Variants in MYO5C observed in about 807,000 individuals in gnomAD.
The protein encoded by MYO5C is myosin VC.
A neutral mutation model predicts 235.7 loss-of-function variants in MYO5C; 194 were observed. The ratio of observed to expected loss-of-function variants is 0.82; its 90% CI spans 0.73 to 0.93. The LOEUF is 0.93. Among genes scored for constraint, MYO5C ranks in the 40% least tolerant of loss-of-function variants. The pLI, the probability that MYO5C is intolerant of heterozygous loss-of-function variation, is 0.00. For synonymous variants in MYO5C, 707 were observed against 754.8 expected (o/e 0.94, Z 1.04); for missense variants, 2,038 against 2,127.2 (o/e 0.96, Z 0.82).
At chr15:52,201,558 CAAAATGAGACTTGGAAA>C (rs1036273482) in intron 38 of MYO5C, among the ~76,000 whole-genome samples, 2 of 152,092 alleles carry the variant, frequency 1.3e-5, no homozygotes, top group Non-Finnish European at 2.9e-5. Context: ...AAAATTATAT[CAAAATGAGACTTGGAAA>C]AAAATGAGAC....
intron 23 of MYO5C, among the ~76,000 whole-genome samples, chr15:52,234,666 G>A (rs761115959): frequency 6.6e-6 from 1 of 152,154 alleles, no homozygotes; most frequent in Admixed American, 6.5e-5. Context: ...GAGACAGGGT[G>A]GAGGGCACGC....
chr15:52,230,486 G>A lies in MYO5C; in HGVS notation c.3027-1173C>T, dbSNP rs1472215118. Among the ~76,000 whole-genome samples the A allele has an allele frequency of 2.6e-5, 4 of 151,322 alleles. No homozygotes were observed. In the East Asian group the frequency reaches 7.8e-4, roughly 29 times the overall value. ...TTCAGTGGCATGATCTCAGCTCACT[G>A]CAACCTCCGCCCCCCGGGTTCAAGT... On this transcript the variant is annotated intron_variant, in intron 24 of 40. Transcript: ENST00000261839.
chr15:52,271,632 C>T (rs570575975), intron 7 of MYO5C, 131 bp downstream of exon 7: 1 of 519,466 alleles, frequency 1.9e-6, no homozygotes, highest in South Asian at 4.3e-5. Flanking sequence ...CCAATTCTGT[C>T]CCTGAAACCA....
chr15:52,226,128 G>A lies in MYO5C; in HGVS notation c.3208-596C>T, dbSNP rs139295024. 6.2e-3 allele frequency among the ~76,000 whole-genome samples: 938 copies of A among 152,144 alleles called. 13 individuals carry two copies. Among genetic ancestry groups the A allele is most frequent in the African/African-American group, 0.022 (903 of 41,492 alleles). ...TATAAGCTTGGGGTGGGGTGGGACA[G>A]GGGGAAGACTGAGAAAGGTAAAATC... is the stretch of plus-strand genomic sequence containing the variant. On this transcript the variant is annotated intron_variant, in intron 25 of 40. Transcript: ENST00000261839.
At position 52,223,540 on chromosome 15, in the gene MYO5C, A is replaced by T; in HGVS notation, c.3627+4T>A. The T allele has an allele frequency of 6.2e-7, 1 of 1,613,136 alleles. No homozygotes were observed. Among genetic ancestry groups the T allele is most frequent in the Non-Finnish European group, 8.5e-7 (1 of 1,179,494 alleles). ...ACGACTGGGGCCCCTGGCTGAGACCATACCATGTTCTCTGATGTTAGCCTG... is the reference window on the plus strand; with the variant it reads ...ACGACTGGGGCCCCTGGCTGAGACCTTACCATGTTCTCTGATGTTAGCCTG... On this transcript the variant is annotated splice_donor_region_variant and intron_variant, in intron 29 of 40. Coordinates refer to ENST00000261839, the MANE Select transcript of MYO5C (RefSeq NM_018728.4).
At chr15:52,243,915 T>G (rs1336962741) in intron 19 of MYO5C, among the ~76,000 whole-genome samples, 1 of 152,196 alleles carries the variant, frequency 6.6e-6, no homozygotes, top group Non-Finnish European at 1.5e-5. Context: ...TGCCAGGCCT[T>G]GCAGGGACCC....
chr15:52,222,122 T>C (rs1209156332), intron 29 of MYO5C, among the ~76,000 whole-genome samples: 1 of 152,216 alleles, frequency 6.6e-6, no homozygotes, highest in East Asian at 1.9e-4. Flanking sequence ...TGGGCTAAGC[T>C]ACGATGCTTG....
chr15:52,221,993 A>T (rs577591145), intron 29 of MYO5C, among the ~76,000 whole-genome samples: 1 of 152,350 alleles, frequency 6.6e-6, no homozygotes, highest in African/African-American at 2.4e-5. Context: ...CACTTTCAGT[A>T]TAGTATTTGA....
chr15:52,214,694 C>T lies in MYO5C; in HGVS notation c.3955-4G>A, dbSNP rs1389395220. 7.0e-6 allele frequency: 11 copies of T among 1,580,550 alleles called. No homozygotes were observed. The highest frequency in any genetic ancestry group is 9.4e-6 in the Non-Finnish European group (11 of 1,165,504). The stretch of plus-strand genomic sequence containing the variant: ...TGTCTAATTCTTCTTCAAGATCCTA[C>T]AGCAATAAAAAGAAACCAGGATTTA... On this transcript the variant is annotated splice_polypyrimidine_tract_variant and splice_region_variant and intron_variant, in intron 32 of 40. Coordinates refer to ENST00000261839, the MANE Select transcript of MYO5C (RefSeq NM_018728.4).
intron 1 of MYO5C, among the ~76,000 whole-genome samples, chr15:52,293,108 A>T (rs4238390): frequency 0.55 from 83,588 of 152,148 alleles, 27,628 homozygotes; most frequent in Non-Finnish European, 0.73. Flanking sequence ...TTTCTAAGGC[A>T]TGGCACCTGT....
chr15:52,284,686 T>G (rs2037225182), intron 1 of MYO5C, among the ~76,000 whole-genome samples: 1 of 152,130 alleles, frequency 6.6e-6, no homozygotes, highest in South Asian at 2.1e-4. Flanking sequence ...TATGGCTTAC[T>G]CAAAGATGCT....
At chr15:52,280,058 G>C (rs146945633) in intron 2 of MYO5C, among the ~76,000 whole-genome samples, 1 of 152,254 alleles carries the variant, frequency 6.6e-6, no homozygotes, top group Non-Finnish European at 1.5e-5. Context: ...CCTATATGTG[G>C]TTTAAATGTT....
At position 52,224,881 on chromosome 15, in the gene MYO5C, C is replaced by A. The variant is rs368024533; in HGVS notation, c.3446+20G>T. 4 of 1,596,736 alleles carry A rather than the reference C, an allele frequency of 2.5e-6. No homozygotes were observed. In the African/African-American group the frequency reaches 5.4e-5, roughly 22 times the overall value. On this transcript the variant is annotated intron_variant, in intron 28 of 40. Coordinates refer to ENST00000261839, the MANE Select transcript of MYO5C (RefSeq NM_018728.4). Reference sequence around the variant, plus strand: ...ATTATCTCTGAAAAATAAAGAAGATCCCTGAGGAGAATTTCTAACCGTGTT... The same window carrying A: ...ATTATCTCTGAAAAATAAAGAAGATACCTGAGGAGAATTTCTAACCGTGTT...
intron 1 of MYO5C, among the ~76,000 whole-genome samples, chr15:52,291,904 A>C (rs1006650799): frequency 2.0e-5 from 3 of 151,058 alleles, no homozygotes; most frequent in African/African-American, 7.3e-5. Context: ...ACGCCTGGCT[A>C]ATTTTTTTGT....
intron 1 of MYO5C, among the ~76,000 whole-genome samples, chr15:52,286,288 G>T (rs1213643039): frequency 1.3e-4 from 20 of 150,508 alleles, no homozygotes; most frequent in African/African-American, 4.4e-4. Flanking sequence ...CCCCCCGCCC[G>T]GCCAGCCGCC....
chr15:52,213,363 C>A, intron 33 of MYO5C, 77 bp from the exon 34 acceptor site: 1 of 1,031,742 alleles, frequency 9.7e-7, no homozygotes, highest in Non-Finnish European at 1.5e-6. Context: ...TACTCTCCTA[C>A]CCCATTCTGG....
chr15:52,289,631 T>G (rs1256041058), intron 1 of MYO5C, among the ~76,000 whole-genome samples: 1 of 146,986 alleles, frequency 6.8e-6, no homozygotes, highest in Non-Finnish European at 1.5e-5. Flanking sequence ...CAATCCTCTC[T>G]TGACTGGTGC....
chr15:52,257,839 G>A (rs1010282157), intron 10 of MYO5C, among the ~76,000 whole-genome samples: 1 of 152,214 alleles, frequency 6.6e-6, no homozygotes, highest in African/African-American at 2.4e-5. Context: ...TCCTATCACA[G>A]GTCCCCTGGG....
chr15:52,233,297 A>AAT (rs1364145771), intron 23 of MYO5C, among the ~76,000 whole-genome samples: 286 of 12,086 alleles, frequency 0.024, 77 homozygotes, highest in African/African-American at 0.03. Flanking sequence ...AAAAAAAAAA[A>AAT]TTAAAAAAAA....
Sources: gnomAD v4.1 joint callset for allele counts (sites outside exome capture counted in the v4.1 genomes callset) on GRCh38, gnomAD v4.1.1 for gene constraint, MANE v1.5 for transcripts, NCBI Gene and HGNC (gene_info 2026-07-23, HGNC 2026-07-21) for gene names.